Variants in RPL31 observed in about 807,000 individuals in gnomAD.
RPL31 encodes large ribosomal subunit protein eL31.
For synonymous variants in RPL31, 51 were observed against 55.0 expected (o/e 0.93, Z 0.32); for missense variants, 95 against 164.0 (o/e 0.58, Z 2.30).
chr2:101,014,209 T>C (rs1679445260), intron 4 of RPL31, among the ~76,000 whole-genome samples: 1 of 152,154 alleles, frequency 6.6e-6, no homozygotes. Flanking sequence ...TTTTTTTTTT[T>C]CAAGGAAGTT....
At chr2:101,014,293 T>G (rs997513366) in intron 4 of RPL31, among the ~76,000 whole-genome samples, 2 of 152,152 alleles carry the variant, frequency 1.3e-5, no homozygotes, top group African/African-American at 4.8e-5. Flanking sequence ...AAGGCCAGAA[T>G]AGATCTTTCA....
downstream of RPL31, chr2:101,007,820 G>C: frequency 6.2e-7 from 1 of 1,613,050 alleles, no homozygotes; most frequent in Non-Finnish European, 8.5e-7. Flanking sequence ...CTGCTGTCTT[G>C]CTACAAGTTA....
chr2:101,012,990 G>A (rs763560439), intron 4 of RPL31, among the ~76,000 whole-genome samples: 4 of 152,204 alleles, frequency 2.6e-5, no homozygotes, highest in African/African-American at 9.6e-5. Flanking sequence ...GGATGGAAAT[G>A]GATTTCCCAG....
At chr2:101,008,590 G>A (rs961424278), downstream of RPL31, among the ~76,000 whole-genome samples, 14 of 152,162 alleles carry the variant, frequency 9.2e-5, no homozygotes, top group African/African-American at 2.6e-4. Context: ...CGAGGCAGGC[G>A]GATCACCTGA....
intron 2 of RPL31, among the ~76,000 whole-genome samples, chr2:101,003,798 C>A (rs1678625864): frequency 6.6e-6 from 1 of 152,160 alleles, no homozygotes; most frequent in African/African-American, 2.4e-5. Flanking sequence ...TGTCTTAAGA[C>A]ATGACATTTA....
intron 4 of RPL31, among the ~76,000 whole-genome samples, chr2:101,013,664 G>T (rs1679402660): frequency 6.6e-6 from 1 of 152,144 alleles, no homozygotes; most frequent in African/African-American, 2.4e-5. Context: ...ACTGTACATG[G>T]TTTCTATTTT....
intron 4 of RPL31, among the ~76,000 whole-genome samples, chr2:101,018,830 A>C (rs1466290284): frequency 6.6e-6 from 1 of 152,170 alleles, no homozygotes; most frequent in African/African-American, 2.4e-5. Context: ...TCTCCCAGGA[A>C]GTTCTCCTCT....
chr2:101,016,571 T>C (rs1679651908), intron 4 of RPL31, among the ~76,000 whole-genome samples: 1 of 152,152 alleles, frequency 6.6e-6, no homozygotes, highest in Admixed American at 6.5e-5. Context: ...ATCCCATTAC[T>C]GGGTATACAC....
At chr2:101,011,394 G>A (rs1007774568), downstream of RPL31, 1 of 1,563,420 alleles carries the variant, frequency 6.4e-7, no homozygotes, top group Non-Finnish European at 8.8e-7. Flanking sequence ...CAACCCCGGT[G>A]CCTCCCGCCA....
intron 4 of RPL31, among the ~76,000 whole-genome samples, chr2:101,016,492 C>A (rs1416583171): frequency 6.6e-6 from 1 of 152,174 alleles, no homozygotes; most frequent in Non-Finnish European, 1.5e-5. Flanking sequence ...TAAACTAGTT[C>A]AACCCTTGTG....
At chr2:101,009,588 GTGA>G (rs1326794254), downstream of RPL31, among the ~76,000 whole-genome samples, 1 of 152,008 alleles carries the variant, frequency 6.6e-6, no homozygotes, top group African/African-American at 2.4e-5. Context: ...ATAGCTCTGA[GTGA>G]TGAAGTTTAA....
Position 101,006,385 on chromosome 2 carries a change from C to T in RPL31, c.*4C>T, listed in dbSNP as rs781127861. The T allele has an allele frequency of 1.9e-6, 3 of 1,608,582 alleles. No homozygotes were observed. Among genetic ancestry groups the T allele is most frequent in the East Asian group, 2.2e-5 (1 of 44,834 alleles). On this transcript the variant is annotated 3_prime_UTR_variant, in exon 5 of 5. Transcript: ENST00000264258. ...AGTCAATGTGGATGAGAACTAATCG[C>T]TGATCGTCAGATCAAATAAAGTTAT...
downstream of RPL31, chr2:101,011,352 A>AG (rs1445065486): frequency 3.3e-6 from 4 of 1,212,600 alleles, no homozygotes; most frequent in African/African-American, 4.5e-5. Flanking sequence ...CGAAGGGAAA[A>AG]GACAAGGCTG....
At chr2:101,013,508 T>A (rs1453880668) in intron 4 of RPL31, among the ~76,000 whole-genome samples, 1 of 152,218 alleles carries the variant, frequency 6.6e-6, no homozygotes, top group Non-Finnish European at 1.5e-5. Flanking sequence ...ACTACCCAAG[T>A]TAAAATAAGA....
chr2:101,004,199 G>A lies in RPL31; in HGVS notation c.149G>A (p.Arg50Gln), dbSNP rs1339147334. The change falls in exon 3 of 5, where the codon CGG becomes CAG. Residue 50 changes from arginine to glutamine, a missense_variant. Arg to Gln is a conservative substitution (Grantham distance 43). Coordinates refer to ENST00000264258, the MANE Select transcript of RPL31 (RefSeq NM_000993.5). The part of the protein sequence containing the change: ...KRAPRALKEI[R>Q]KFAMKEMGTP... ...GCACCTCGGGCACTCAAAGAGATTCGGAAATTTGCCATGAAGGAGATGGGA... is the reference window on the plus strand; with the variant it reads ...GCACCTCGGGCACTCAAAGAGATTCAGAAATTTGCCATGAAGGAGATGGGA... 9.3e-6 allele frequency: 15 copies of A among 1,613,898 alleles called. No homozygotes were observed. Among genetic ancestry groups the A allele is most frequent in the East Asian group, 2.2e-5 (1 of 44,894 alleles).
downstream of RPL31, chr2:101,007,660 A>G (rs965528967): frequency 1.4e-6 from 1 of 693,976 alleles, no homozygotes; most frequent in Non-Finnish European, 2.4e-6. Context: ...GAAATGCTTG[A>G]GGGTTGTGTC....
At chr2:101,018,795 T>C (rs750992760) in intron 4 of RPL31, among the ~76,000 whole-genome samples, 6 of 152,236 alleles carry the variant, frequency 3.9e-5, no homozygotes, top group South Asian at 2.1e-4. Context: ...CAGTTTGTTA[T>C]GTTTCTTTCC....
intron 4 of RPL31, among the ~76,000 whole-genome samples, chr2:101,016,239 C>A (rs1378918609): frequency 2.0e-5 from 3 of 152,134 alleles, no homozygotes; most frequent in African/African-American, 4.8e-5. Context: ...AAAAAACAAA[C>A]AACGCCATCA....
At chr2:101,019,697 T>C (rs562653414) in exon 5 of RPL31, 1 of 152,334 alleles carries the variant, frequency 6.6e-6, no homozygotes, top group South Asian at 2.1e-4. Flanking sequence ...GGACTACAAA[T>C]GCTTCTAATA....
Sources: allele counts gnomAD v4.1 joint callset (sites outside exome capture counted in the v4.1 genomes callset), GRCh38; gene constraint gnomAD v4.1.1; transcripts MANE v1.5; gene names NCBI Gene and HGNC (gene_info 2026-07-23, HGNC 2026-07-21).